C5orf22: variants seen among roughly 807,000 people sequenced by gnomAD.
C5orf22 encodes the protein chromosome 5 open reading frame 22.
Under a neutral mutation model 48.7 loss-of-function variants are expected in C5orf22, and 36 were observed. That is an observed-to-expected ratio of 0.74 (90% confidence interval 0.57 to 0.98). The LOEUF (loss-of-function observed/expected upper bound fraction) is 0.98. Among genes scored for constraint, C5orf22 ranks in the 50% least tolerant of loss-of-function variants. The pLI is 0.00. For synonymous variants in C5orf22, 141 were observed against 180.8 expected, an observed-to-expected ratio of 0.78 and a Z score of 1.76; for missense variants, 486 against 521.9, an observed-to-expected ratio of 0.93 and a Z score of 0.67.
chr5:31,549,083 G>A (rs559800278), intron 7 of C5orf22, among the ~76,000 whole-genome samples: 24 of 152,250 alleles, frequency 1.6e-4, no homozygotes, highest in African/African-American at 5.8e-4. Context: ...GCCGGGCGTG[G>A]TGGCGCATCC....
chr5:31,552,704 G>GTTTCAATTCAAGAAAATAAAAA, intron 8 of C5orf22, 69 bp from the exon 9 acceptor site: 1 of 1,373,382 alleles, frequency 7.3e-7, no homozygotes, highest in South Asian at 1.3e-5. Flanking sequence ...ATGAACACAT[G>GTTTCAATTCAAGAAAATAAAAA]CAGCTTTTCC....
Position 31,550,780 on chromosome 5 carries a change from T to TC in C5orf22, c.1060-511dup, listed in dbSNP as rs529092433. ...TTTCTCCATGTTGGTCAGGCTGGTCTCCAACTCCCGACCTCAGGTGATCCG... is the reference window on the plus strand; with the variant it reads ...TTTCTCCATGTTGGTCAGGCTGGTCTCCCAACTCCCGACCTCAGGTGATCCG... On this transcript the variant is annotated intron_variant, in intron 7 of 8. Coordinates refer to ENST00000325366, the MANE Select transcript of C5orf22 (RefSeq NM_018356.3). Among the ~76,000 whole-genome samples the TC allele has an allele frequency of 1.6e-4, 24 of 152,260 alleles. No individual in the cohort carries two copies. In the East Asian group the frequency reaches 4.2e-3, roughly 27 times the overall value.
intron 8 of C5orf22, among the ~76,000 whole-genome samples, chr5:31,551,938 A>G (rs1025017446): frequency 2.8e-4 from 43 of 152,228 alleles, no homozygotes; most frequent in African/African-American, 9.9e-4. Context: ...AAATGAGTTT[A>G]TCAGTGGTCT....
intron 1 of C5orf22, among the ~76,000 whole-genome samples, chr5:31,533,388 A>G (rs1741837076): frequency 6.6e-6 from 1 of 152,246 alleles, no homozygotes; most frequent in Non-Finnish European, 1.5e-5. Context: ...TTCCAAGTCA[A>G]CAAAGGAGGC....
chr5:31,534,212 G>C, intron 1 of C5orf22, 60 bp from the exon 2 acceptor site: 2 of 1,400,412 alleles, frequency 1.4e-6, no homozygotes, highest in Non-Finnish European at 2.0e-6. Context: ...TCAGTCTGCA[G>C]TTGAGTGTGT....
At position 31,540,978 on chromosome 5, in the gene C5orf22, C is replaced by T. The variant is rs756009959; in HGVS notation, c.837C>T (p.Tyr279=). 3 of 1,612,316 alleles carry T rather than the reference C, an allele frequency of 1.9e-6. No homozygotes were observed. The East Asian group carries it at 6.7e-5, about 36-fold the overall frequency. The change falls in exon 5 of 9, where the codon TAC becomes TAT. Residue 279 remains tyrosine (Y), a synonymous_variant. Coordinates refer to ENST00000325366, the MANE Select transcript of C5orf22 (RefSeq NM_018356.3). ...QEEYKILQEL[Y]QFKKPGTNLT... Reference sequence around the variant, plus strand: ...AGTACAAAATCTTACAAGAGCTGTACCAATTTAAGAAACCTGGCACCAACC... The same window carrying T: ...AGTACAAAATCTTACAAGAGCTGTATCAATTTAAGAAACCTGGCACCAACC...
Position 31,541,012 on chromosome 5 carries a change from G to A in C5orf22, c.870+1G>A. ...GAAACCTGGCACCAACCTAACAGAG[G>A]TATCCTCCATTTGTTTCTTTGGGGT... On this transcript the variant is annotated splice_donor_variant, in intron 5 of 8. Transcript: ENST00000325366. LOFTEE classifies it high-confidence loss of function. The A allele has an allele frequency of 6.2e-7, 1 of 1,604,796 alleles. No homozygotes were observed. Among genetic ancestry groups the A allele is most frequent in the South Asian group, 1.1e-5 (1 of 90,644 alleles).
intron 7 of C5orf22, among the ~76,000 whole-genome samples, chr5:31,550,816 C>A (rs1561331552): frequency 6.6e-6 from 1 of 152,202 alleles, no homozygotes; most frequent in South Asian, 2.1e-4. Context: ...CCTGTCTCAG[C>A]CTCCCAAAGT....
At chr5:31,546,107 GT>G (rs1200762784) in intron 7 of C5orf22, among the ~76,000 whole-genome samples, 3 of 152,018 alleles carry the variant, frequency 2.0e-5, no homozygotes, top group African/African-American at 7.2e-5. Context: ...TTTTCCGTTT[GT>G]AAAAACCACA....
chr5:31,551,572 G>A, intron 8 of C5orf22, 140 bp downstream of exon 8: 1 of 669,522 alleles, frequency 1.5e-6, no homozygotes, highest in Non-Finnish European at 2.5e-6. Context: ...GATTATCCTG[G>A]ATTTATCAGG....
At position 31,554,178 on chromosome 5, in the gene C5orf22, A is replaced by C. The variant is rs955878821; in HGVS notation, c.*1276A>C. 2 of 152,334 alleles carry C rather than the reference A, an allele frequency of 1.3e-5. No individual in the cohort carries two copies. The highest frequency in any genetic ancestry group is 3.9e-4 in the East Asian group (2 of 5,190). The allele number at this position is 152,334 out of a possible 1,614,324, so 9.4% of individuals were successfully genotyped here. On this transcript the variant is annotated 3_prime_UTR_variant, in exon 9 of 9. Coordinates refer to ENST00000325366, the MANE Select transcript of C5orf22 (RefSeq NM_018356.3). ...TTATTTTCCTTTAAAAGGTGAAATG[A>C]CATTTAAAGAAAAACAAACACCCAT... is the stretch of plus-strand genomic sequence containing the variant.
intron 3 of C5orf22, 30 bp downstream of exon 3, chr5:31,535,923 G>T (rs1022458656): frequency 6.3e-7 from 1 of 1,595,884 alleles, no homozygotes; most frequent in East Asian, 2.2e-5. Context: ...GAATATGGAA[G>T]TGATTGAATG....
In C5orf22 at chr5:31,545,712, G is replaced by A. The variant is rs1742840545; in HGVS notation, c.1059G>A (p.Met353Ile). 1 of 1,578,362 alleles carries A rather than the reference G, an allele frequency of 6.3e-7. No homozygotes were observed. The highest frequency in any genetic ancestry group is 8.7e-7 in the Non-Finnish European group (1 of 1,150,278). Residue 353 changes from methionine to isoleucine, a missense_variant and splice_region_variant, in exon 7 of 9, where the codon ATG becomes ATA. Transcript: ENST00000325366. ...GGATGGAAGTACCAGACTATGAAAT[G>A]GTAAATATTTTATATTAATGTGTAA... ...KKRMEVPDYE[M>I]VHQAGLTCDY...
intron 7 of C5orf22, among the ~76,000 whole-genome samples, chr5:31,550,012 C>CT (rs1394227344): frequency 6.6e-6 from 1 of 152,112 alleles, no homozygotes; most frequent in Non-Finnish European, 1.5e-5. Flanking sequence ...CAGGGAATGG[C>CT]TAGGGCTCAG....
chr5:31,545,495 T>G (rs1005735933), intron 6 of C5orf22, 151 bp from the exon 7 acceptor site: 93 of 643,908 alleles, frequency 1.4e-4, no homozygotes, highest in Non-Finnish European at 2.4e-4. Context: ...TTCTTAATAT[T>G]TTAAGATATT....
intron 5 of C5orf22, 118 bp from the exon 6 acceptor site, chr5:31,541,163 A>G: frequency 1.8e-6 from 2 of 1,123,800 alleles, no homozygotes; most frequent in South Asian, 2.9e-5. Context: ...GGCGAAGCCC[A>G]TGGTTAGTAC....
intron 8 of C5orf22, 21 bp downstream of exon 8, chr5:31,551,453 A>G (rs781271275): frequency 6.3e-6 from 10 of 1,588,840 alleles, no homozygotes; most frequent in Admixed American, 1.8e-5. Context: ...TCAGCAGAAT[A>G]ATGGCAAATC....
chr5:31,542,766 C>A (rs1189963872), intron 6 of C5orf22, among the ~76,000 whole-genome samples: 2 of 152,102 alleles, frequency 1.3e-5, no homozygotes, highest in African/African-American at 4.8e-5. Flanking sequence ...AAAATAAAAC[C>A]ATCAGACAAA....
chr5:31,545,533 G>GTTATCTTTTAT (rs1431913815), intron 6 of C5orf22, 113 bp from the exon 7 acceptor site: 2 of 744,434 alleles, frequency 2.7e-6, no homozygotes, highest in African/African-American at 1.8e-5. Flanking sequence ...TATTTCCCAA[G>GTTATCTTTTAT]TGCCATATGA....
Sources: gnomAD v4.1 joint callset for allele counts (sites outside exome capture counted in the v4.1 genomes callset) on GRCh38, gnomAD v4.1.1 for gene constraint, MANE v1.5 for transcripts, NCBI Gene and HGNC (gene_info 2026-07-23, HGNC 2026-07-21) for gene names.